EVC2: variants seen among roughly 807,000 people sequenced by gnomAD.
The protein encoded by EVC2 is EvC ciliary complex subunit 2.
Under a neutral mutation model 149.3 loss-of-function variants are expected in EVC2, and 148 were observed. The observed-to-expected ratio is 0.99, with a 90% CI of 0.87 to 1.14. The LOEUF (loss-of-function observed/expected upper bound fraction) is 1.14. Among genes scored for constraint, EVC2 ranks in the 50% most tolerant of loss-of-function variants. The pLI, the probability that EVC2 is intolerant of heterozygous loss-of-function variation, is 0.00. For synonymous variants in EVC2, 776 were observed against 649.9 expected (o/e 1.19, Z -2.95); for missense variants, 1,854 against 1,627.3 (o/e 1.14, Z -2.40).
chr4:5,642,852 A>G (rs1179675823), intron 9 of EVC2, among the ~76,000 whole-genome samples: 2 of 152,216 alleles, frequency 1.3e-5, no homozygotes, highest in Non-Finnish European at 1.5e-5. Context: ...TTCCACATTA[A>G]CCAGGTTCAA....
chr4:5,598,170 TC>T (rs778643378), intron 16 of EVC2, among the ~76,000 whole-genome samples: 202 of 152,068 alleles, frequency 1.3e-3, no homozygotes, highest in Non-Finnish European at 2.0e-3. Flanking sequence ...TTCAATGCCA[TC>T]CCCATCCAGC....
At chr4:5,643,676 T>G (rs971616189) in intron 9 of EVC2, among the ~76,000 whole-genome samples, 1 of 152,162 alleles carries the variant, frequency 6.6e-6, no homozygotes, top group African/African-American at 2.4e-5. Context: ...ATCCCAGCAC[T>G]TTGGGAGGCC....
chr4:5,662,972 A>G (rs1292489019), intron 9 of EVC2, 135 bp downstream of exon 9: 5 of 1,156,590 alleles, frequency 4.3e-6, no homozygotes, highest in African/African-American at 1.5e-5. Flanking sequence ...AGTGCATAGC[A>G]GTTGTTGAAT....
chr4:5,538,233 GATGAA>G (rs760736213), downstream of EVC2, among the ~76,000 whole-genome samples: 16 of 152,024 alleles, frequency 1.1e-4, no homozygotes, highest in Non-Finnish European at 7.4e-5. Flanking sequence ...CAACCACTTA[GATGAA>G]ATGAATAAAT....
rs370082643 is a variant in EVC2 at position 5,573,985 on chromosome 4, T to C, written c.3360+700A>G. Among the ~76,000 whole-genome samples the C allele has an allele frequency of 2.7e-4, 41 of 152,334 alleles. 1 individual carries two copies. The East Asian group carries it at 6.9e-3, about 26-fold the overall frequency. On this transcript the variant is annotated intron_variant, in intron 19 of 21. Coordinates refer to ENST00000344408, the MANE Select transcript of EVC2 (RefSeq NM_147127.5). The stretch of plus-strand genomic sequence containing the variant: ...TCTTCCCTCCTTGCTCTGAAAGTTA[T>C]TGCAGCTGGAACTGTGAGAAGGAAC...
rs377741384 is a variant in EVC2, at chr4:5,706,317, G to A, written c.228+1969C>T. 3.2e-4 allele frequency among the ~76,000 whole-genome samples: 30 copies of A among 94,206 alleles called. 2 individuals are homozygous for A. The highest frequency in any genetic ancestry group is 1.1e-3 in the African/African-American group (24 of 22,212). 61.8% of individuals were successfully genotyped at this position (94,206 alleles called of 152,430 possible). On this transcript the variant is annotated intron_variant, in intron 1 of 21. Transcript: ENST00000344408. ...ATATAGATAGATACATAGATAGATA[G>A]ATACATAGATAGATAGATAGATACA... is the stretch of plus-strand genomic sequence containing the variant.
chr4:5,589,046 T>C (rs1712550007), intron 16 of EVC2, among the ~76,000 whole-genome samples: 1 of 152,270 alleles, frequency 6.6e-6, no homozygotes, highest in Non-Finnish European at 1.5e-5. Flanking sequence ...TTCCTATTTG[T>C]CTCATGCCTG....
At chr4:5,556,136 G>A (rs1407090184) in intron 21 of EVC2, among the ~76,000 whole-genome samples, 1 of 130,524 alleles carries the variant, frequency 7.7e-6, no homozygotes, top group African/African-American at 2.9e-5. Context: ...CCAAGATCGT[G>A]CCATTGCACT....
chr4:5,650,572 T>G (rs760941022), intron 9 of EVC2, among the ~76,000 whole-genome samples: 7 of 143,156 alleles, frequency 4.9e-5, no homozygotes, highest in Non-Finnish European at 9.0e-5. Flanking sequence ...TTAGCAATAG[T>G]GCCTCTTACG....
intron 5 of EVC2, 28 bp downstream of exon 5, chr4:5,689,129 C>A: frequency 4.3e-6 from 7 of 1,612,896 alleles, no homozygotes; most frequent in African/African-American, 1.3e-5. Context: ...CATTTGTCAT[C>A]CCTGACTTCA....
intron 17 of EVC2, among the ~76,000 whole-genome samples, chr4:5,578,326 T>G (rs889228528): frequency 6.6e-6 from 1 of 152,228 alleles, no homozygotes; most frequent in Non-Finnish European, 1.5e-5. Flanking sequence ...TGACAGCAGC[T>G]GGCATTTACT....
intron 15 of EVC2, among the ~76,000 whole-genome samples, chr4:5,616,793 C>T (rs553235727): frequency 1.3e-5 from 2 of 152,238 alleles, no homozygotes; most frequent in South Asian, 2.1e-4. Context: ...GAATGTGGAG[C>T]GAGCACCTTC....
At chr4:5,665,105 G>T (rs1299083437) in intron 8 of EVC2, among the ~76,000 whole-genome samples, 1 of 152,054 alleles carries the variant, frequency 6.6e-6, no homozygotes, top group African/African-American at 2.4e-5. Context: ...TTTGTATGGG[G>T]TAATGGCTGC....
intron 12 of EVC2, 95 bp downstream of exon 12, chr4:5,628,464 T>C (rs1449661226): frequency 6.0e-6 from 9 of 1,490,940 alleles, no homozygotes; most frequent in African/African-American, 4.2e-5. Flanking sequence ...AATATATCTC[T>C]TCTATTTATA....
intron 10 of EVC2, among the ~76,000 whole-genome samples, chr4:5,635,748 C>G (rs115594004): frequency 0.01 from 1,595 of 152,322 alleles, 20 homozygotes; most frequent in Non-Finnish European, 0.012. Flanking sequence ...AAGACTCACA[C>G]AGGGGTTAGA....
the EVC2 span, among the ~76,000 whole-genome samples, chr4:5,532,660 G>T: frequency 2.0e-5 from 3 of 152,160 alleles, no homozygotes; most frequent in African/African-American, 7.2e-5. Flanking sequence ...CCCAGCGGCT[G>T]CCTAAGTGTG....
chr4:5,665,374 A>T, intron 8 of EVC2, 141 bp downstream of exon 8: 1 of 1,226,198 alleles, frequency 8.2e-7, no homozygotes, highest in Non-Finnish European at 1.2e-6. Context: ...GCAGTTTTGG[A>T]GGTGGGCCCT....
At chr4:5,650,604 CATATAT>C (rs66673359) in intron 9 of EVC2, among the ~76,000 whole-genome samples, 1,436 of 52,814 alleles carry the variant, frequency 0.027, 28 homozygotes, top group African/African-American at 0.064. Flanking sequence ...TTTTAATCGC[CATATAT>C]ATATATATAT....
intron 10 of EVC2, among the ~76,000 whole-genome samples, chr4:5,634,660 T>A (rs1274214304): frequency 6.6e-6 from 1 of 152,184 alleles, no homozygotes; most frequent in Non-Finnish European, 1.5e-5. Context: ...AGGACTCCCA[T>A]GCCCACTTCA....
Sources: gnomAD v4.1 joint callset for allele counts (sites outside exome capture counted in the v4.1 genomes callset) on GRCh38, gnomAD v4.1.1 for gene constraint, MANE v1.5 for transcripts, NCBI Gene and HGNC (gene_info 2026-07-23, HGNC 2026-07-21) for gene names.